MTUS2: variants seen among roughly 807,000 people sequenced by gnomAD.
MTUS2 encodes the protein microtubule-associated tumor suppressor candidate 2.
MTUS2 carries 40 observed loss-of-function variants against 114.1 expected under a neutral mutation model. That is an observed-to-expected ratio of 0.35 (90% CI 0.27 to 0.46). MTUS2 has a LOEUF of 0.46. MTUS2 is among the 20% of genes least tolerant of loss of function. The pLI, the probability that MTUS2 is intolerant of heterozygous loss-of-function variation, is 1.00. For synonymous variants in MTUS2, 688 were observed against 672.0 expected, an observed-to-expected ratio of 1.02 and a Z score of -0.37; for missense variants, 1,679 against 1,705.4, an observed-to-expected ratio of 0.98 and a Z score of 0.27.
intron 2 of MTUS2, among the ~76,000 whole-genome samples, chr13:29,015,184 G>C (rs558080913): frequency 6.6e-6 from 1 of 152,324 alleles, no homozygotes; most frequent in African/African-American, 2.4e-5. Context: ...GCAAGACTGT[G>C]TGCCAAAACT....
intron 5 of MTUS2, among the ~76,000 whole-genome samples, chr13:29,134,143 T>C (rs76867706): frequency 6.6e-6 from 1 of 152,226 alleles, no homozygotes; most frequent in African/African-American, 2.4e-5. Flanking sequence ...TTTTTTGATT[T>C]GTTGGTTGTT....
At chr13:29,482,907 G>C (rs1282586246) in intron 10 of MTUS2, among the ~76,000 whole-genome samples, 1 of 152,218 alleles carries the variant, frequency 6.6e-6, no homozygotes, top group Non-Finnish European at 1.5e-5. Flanking sequence ...CCAGGCTTCA[G>C]TTTCCCTAGC....
chr13:29,424,510 C>T (rs1005129631), intron 8 of MTUS2, among the ~76,000 whole-genome samples: 2 of 151,958 alleles, frequency 1.3e-5, no homozygotes, highest in Non-Finnish European at 2.9e-5. Context: ...ACAAATGAAG[C>T]CATTATATGA....
chr13:29,225,671 A>G (rs1361956577), intron 5 of MTUS2, among the ~76,000 whole-genome samples: 1 of 152,252 alleles, frequency 6.6e-6, no homozygotes, highest in East Asian at 1.9e-4. Flanking sequence ...AATTAGCATC[A>G]AAATGTTTTT....
rs1224245015 is a variant in MTUS2 at position 29,480,554 on chromosome 13, TC to T, written c.3399+192del. Among the ~76,000 whole-genome samples the T allele has an allele frequency of 3.9e-5, 6 of 152,186 alleles. No individual in the cohort carries two copies. Among genetic ancestry groups the T allele is most frequent in the Admixed American group, 6.5e-5 (1 of 15,280 alleles). On this transcript the variant is annotated intron_variant, in intron 10 of 15. Coordinates refer to ENST00000612955, the MANE Select transcript of MTUS2 (RefSeq NM_001033602.4). The surrounding 1 kb of genome is among the most constrained non-coding windows in gnomAD (Gnocchi z 4.4). ...CAGCCACTGTGGCCTCCTTCACTCT[TC>T]CTCAGGGTTTTCACACTTGCTGTGC...
intron 8 of MTUS2, among the ~76,000 whole-genome samples, chr13:29,438,893 C>A (rs560933653): frequency 8.5e-5 from 13 of 152,280 alleles, no homozygotes; most frequent in Middle Eastern, 6.8e-3. Flanking sequence ...CAACCCAAAG[C>A]AGCACACTTG....
intron 5 of MTUS2, among the ~76,000 whole-genome samples, chr13:29,276,538 G>A (rs926046507): frequency 5.3e-5 from 8 of 152,232 alleles, no homozygotes; most frequent in South Asian, 4.1e-4. Context: ...AGAGTGTCCC[G>A]CTGGCATGGG....
At position 28,890,104 on chromosome 13, in the gene MTUS2, A is replaced by G. The variant is rs114642307; in HGVS notation, c.-243+50254A>G. Among the ~76,000 whole-genome samples, 738 of 152,204 alleles carry G rather than the reference A, an allele frequency of 4.8e-3. 7 individuals are homozygous for G. Among genetic ancestry groups the G allele is most frequent in the African/African-American group, 0.017 (711 of 41,514 alleles). On this transcript the variant is annotated intron_variant, in intron 2 of 15. Coordinates refer to ENST00000612955, the MANE Select transcript of MTUS2 (RefSeq NM_001033602.4). Reference sequence around the variant, plus strand: ...ATCCTTATTTTGGCAGTGTAGCTTCACTTGTGATGGTTTGTACTCCATGAT... The same window carrying G: ...ATCCTTATTTTGGCAGTGTAGCTTCGCTTGTGATGGTTTGTACTCCATGAT...
At chr13:29,018,326 G>A (rs570838237) in intron 2 of MTUS2, among the ~76,000 whole-genome samples, 55 of 152,310 alleles carry the variant, frequency 3.6e-4, no homozygotes, top group Middle Eastern at 3.4e-3. Flanking sequence ...GGATGGCACC[G>A]TGGTGGATCC....
At chr13:29,214,979 T>C (rs2139298072) in intron 5 of MTUS2, among the ~76,000 whole-genome samples, 2 of 152,230 alleles carry the variant, frequency 1.3e-5, no homozygotes, top group East Asian at 3.9e-4. Flanking sequence ...CCATTCTTTC[T>C]GTCACTTTCA....
intron 5 of MTUS2, among the ~76,000 whole-genome samples, chr13:29,127,038 C>T (rs564016035): frequency 1.0e-3 from 153 of 152,354 alleles, no homozygotes; most frequent in African/African-American, 3.6e-3. Context: ...TCCGTCTGGG[C>T]TCCTGGGTGT....
Position 29,270,587 on chromosome 13 carries a change from T to G in MTUS2, c.2645-11117T>G, listed in dbSNP as rs548055285. Among the ~76,000 whole-genome samples the G allele has an allele frequency of 4.1e-4, 62 of 152,340 alleles. 1 individual carries two copies. Among genetic ancestry groups the G allele is most frequent in the Middle Eastern group, 6.8e-3 (2 of 294 alleles). ...GTCTCCCTCTGGCATTCTCTGAGTTTCTAGTTCTCTGAAGTTTCATCTCTC... is the reference window on the plus strand; with the variant it reads ...GTCTCCCTCTGGCATTCTCTGAGTTGCTAGTTCTCTGAAGTTTCATCTCTC... On this transcript the variant is annotated intron_variant, in intron 5 of 15. Coordinates refer to ENST00000612955, the MANE Select transcript of MTUS2 (RefSeq NM_001033602.4).
chr13:29,209,391 C>T (rs957738776), intron 5 of MTUS2, among the ~76,000 whole-genome samples: 3 of 151,908 alleles, frequency 2.0e-5, no homozygotes, highest in African/African-American at 7.2e-5. Flanking sequence ...CATTCTGTAT[C>T]TTTTAAGTGG....
intron 5 of MTUS2, among the ~76,000 whole-genome samples, chr13:29,229,701 C>G (rs1025429722): frequency 2.0e-5 from 3 of 152,132 alleles, no homozygotes; most frequent in African/African-American, 7.2e-5. Flanking sequence ...TGAAACACTT[C>G]CACAAAGTGC....
intron 5 of MTUS2, among the ~76,000 whole-genome samples, chr13:29,229,066 G>T (rs1310383794): frequency 6.6e-6 from 1 of 152,074 alleles, no homozygotes. Flanking sequence ...ACACTGAGGG[G>T]CTTCTTCACT....
At chr13:29,499,769 G>A (rs1882766792) in intron 14 of MTUS2, among the ~76,000 whole-genome samples, 1 of 152,226 alleles carries the variant, frequency 6.6e-6, no homozygotes, top group Admixed American at 6.5e-5. Context: ...CTGATCTAGG[G>A]CCACCCATTG....
intron 5 of MTUS2, among the ~76,000 whole-genome samples, chr13:29,217,669 TC>T (rs1181679594): frequency 2.6e-5 from 4 of 152,254 alleles, no homozygotes; most frequent in African/African-American, 9.6e-5. Context: ...GACTGATTCT[TC>T]CTTTCACAAA....
intron 3 of MTUS2, among the ~76,000 whole-genome samples, chr13:29,030,890 G>C (rs1440933482): frequency 6.6e-6 from 1 of 152,042 alleles, no homozygotes; most frequent in Non-Finnish European, 1.5e-5. Context: ...TTTCCCAATT[G>C]GCAGGAACAG....
intron 5 of MTUS2, among the ~76,000 whole-genome samples, chr13:29,277,245 TG>T (rs1405336124): frequency 6.6e-6 from 1 of 152,214 alleles, no homozygotes; most frequent in Non-Finnish European, 1.5e-5. Context: ...ATCTCTATCA[TG>T]TAACGTGGTC....
Sources: allele counts gnomAD v4.1 joint callset (sites outside exome capture counted in the v4.1 genomes callset), GRCh38; gene constraint gnomAD v4.1.1; non-coding constraint Gnocchi (gnomAD v3.1); transcripts MANE v1.5; gene names NCBI Gene and HGNC (gene_info 2026-07-23, HGNC 2026-07-21).